AOPEP: variants seen among roughly 807,000 people sequenced by gnomAD.
AOPEP encodes the protein aminopeptidase O.
A neutral mutation model predicts 98.1 loss-of-function variants in AOPEP; 77 were observed. That is an observed-to-expected ratio of 0.78 (90% CI 0.65 to 0.95). The LOEUF (loss-of-function observed/expected upper bound fraction) is 0.95, where lower values mean the gene tolerates loss of function less well. Ranked by LOEUF, AOPEP falls within the 40% of genes least tolerant of loss-of-function variation. AOPEP has a pLI of 0.00. For missense variants in AOPEP, 1,024 were observed against 1,024.7 expected (o/e 1.00, Z 0.01); for synonymous variants, 346 against 365.3 (o/e 0.95, Z 0.60).
intron 13 of AOPEP, among the ~76,000 whole-genome samples, chr9:95,017,209 G>A (rs941616210): frequency 6.6e-6 from 1 of 151,810 alleles, no homozygotes; most frequent in African/African-American, 2.4e-5. Context: ...ACATACATAA[G>A]CTTTAGTTTT....
intron 10 of AOPEP, among the ~76,000 whole-genome samples, chr9:94,968,418 T>G (rs1347498745): frequency 6.6e-6 from 1 of 152,128 alleles, no homozygotes; most frequent in African/African-American, 2.4e-5. Context: ...ATTTTTGTAT[T>G]TTTAGTAGAG....
chr9:95,099,387 CCT>C, the AOPEP span: 2 of 228,230 alleles, frequency 8.8e-6, no homozygotes, highest in Admixed American at 5.7e-5. Flanking sequence ...TGCGGCTGCC[CCT>C]GTGCCCAGGC....
intron 1 of AOPEP, among the ~76,000 whole-genome samples, chr9:94,752,422 G>A (rs902051800): frequency 3.3e-5 from 5 of 151,614 alleles, no homozygotes; most frequent in African/African-American, 4.8e-5. Context: ...GAACACATAC[G>A]TATCAGTAAA....
intron 7 of AOPEP, among the ~76,000 whole-genome samples, chr9:94,951,722 C>T (rs141445702): frequency 3.1e-4 from 47 of 152,332 alleles, no homozygotes; most frequent in African/African-American, 1.1e-3. Flanking sequence ...CCCAGGCTGG[C>T]CAGGAGCAGC....
intron 5 of AOPEP, among the ~76,000 whole-genome samples, chr9:94,882,066 C>A (rs538740340): frequency 3.3e-5 from 5 of 152,196 alleles, no homozygotes; most frequent in Non-Finnish European, 7.3e-5. Context: ...TTTACTATGG[C>A]TCTAAGCTCA....
intron 13 of AOPEP, among the ~76,000 whole-genome samples, chr9:95,040,359 C>T (rs1220890362): frequency 3.9e-5 from 6 of 152,186 alleles, no homozygotes; most frequent in South Asian, 4.1e-4. Flanking sequence ...AGAACTGGAG[C>T]GGAAGAAAGG....
the AOPEP span, among the ~76,000 whole-genome samples, chr9:95,143,972 T>A: frequency 3.3e-5 from 5 of 152,210 alleles, no homozygotes; most frequent in African/African-American, 1.2e-4. Flanking sequence ...AATATATGAC[T>A]GCATTTGGAA....
At chr9:94,745,555 G>A (rs974954668) in intron 1 of AOPEP, among the ~76,000 whole-genome samples, 15 of 152,160 alleles carry the variant, frequency 9.9e-5, no homozygotes, top group African/African-American at 3.4e-4. Context: ...GATTACAGGC[G>A]TGAGCCACCG....
rs1564154242 is a variant in AOPEP, at chr9:94,798,242, TC to T, written c.1119-2514del. Among the ~76,000 whole-genome samples, 28 of 152,306 alleles carry T rather than the reference TC, an allele frequency of 1.8e-4. 1 individual carries two copies. The highest frequency in any genetic ancestry group is 6.7e-4 in the African/African-American group (28 of 41,564). On this transcript the variant is annotated intron_variant, in intron 4 of 16. Transcript: ENST00000375315. Reference sequence around the variant, plus strand: ...TGGGAGCCTTACCCTTCTCACCTGGTCAGAGCTTGATTGCCTTAAAGTCCTG... The same window carrying T: ...TGGGAGCCTTACCCTTCTCACCTGGTAGAGCTTGATTGCCTTAAAGTCCTG...
the AOPEP span, among the ~76,000 whole-genome samples, chr9:95,141,098 C>A: frequency 6.6e-6 from 1 of 151,800 alleles, no homozygotes; most frequent in Non-Finnish European, 1.5e-5. Context: ...TTGCTTGAGT[C>A]CAGGAGTTCA....
At chr9:95,084,653 CTT>C (rs1335061080) in intron 16 of AOPEP, among the ~76,000 whole-genome samples, 1 of 152,226 alleles carries the variant, frequency 6.6e-6, no homozygotes, top group Non-Finnish European at 1.5e-5. Flanking sequence ...CCTCGCCACT[CTT>C]TATGGGGAAT....
At chr9:94,870,337 A>C (rs1465992626) in intron 5 of AOPEP, among the ~76,000 whole-genome samples, 1 of 152,094 alleles carries the variant, frequency 6.6e-6, no homozygotes, top group Non-Finnish European at 1.5e-5. Context: ...CAAAACATGA[A>C]TTTTTTTAAG....
the AOPEP span, among the ~76,000 whole-genome samples, chr9:95,132,281 T>C: frequency 6.6e-6 from 1 of 152,214 alleles, no homozygotes; most frequent in East Asian, 1.9e-4. Flanking sequence ...CAATGTGGAA[T>C]CCAAAGAATA....
chr9:95,013,277 G>A (rs57215728), intron 13 of AOPEP, among the ~76,000 whole-genome samples: 88 of 151,570 alleles, frequency 5.8e-4, no homozygotes, highest in African/African-American at 2.1e-3. Flanking sequence ...TGTTTTAATG[G>A]TTACTTTGAT....
At chr9:94,884,311 A>G (rs2047932210) in intron 5 of AOPEP, among the ~76,000 whole-genome samples, 1 of 152,232 alleles carries the variant, frequency 6.6e-6, no homozygotes, top group South Asian at 2.1e-4. Flanking sequence ...TTTGAAATTC[A>G]AACCCAAGAT....
At chr9:95,132,194 G>C in the AOPEP span, among the ~76,000 whole-genome samples, 2 of 152,130 alleles carry the variant, frequency 1.3e-5, no homozygotes, top group Non-Finnish European at 2.9e-5. Context: ...ATGAGAATCG[G>C]GTACCTTCCG....
At chr9:94,884,941 G>A (rs1056034875) in intron 5 of AOPEP, among the ~76,000 whole-genome samples, 9 of 150,284 alleles carry the variant, frequency 6.0e-5, no homozygotes, top group Admixed American at 2.6e-4. Flanking sequence ...CCCGGGAGGC[G>A]GAGCTTGCAG....
chr9:94,987,005 G>A (rs1186650957), intron 11 of AOPEP, among the ~76,000 whole-genome samples: 1 of 152,208 alleles, frequency 6.6e-6, no homozygotes, highest in Non-Finnish European at 1.5e-5. Flanking sequence ...ATCCAGACCA[G>A]ATGGATGATA....
At chr9:94,775,770 C>T (rs185895814) in intron 3 of AOPEP, among the ~76,000 whole-genome samples, 29 of 152,098 alleles carry the variant, frequency 1.9e-4, no homozygotes, top group Admixed American at 5.9e-4. Flanking sequence ...ATCAGGAGAT[C>T]GAGACCATTC....
Sources: gnomAD v4.1 joint callset for allele counts (sites outside exome capture counted in the v4.1 genomes callset) on GRCh38, gnomAD v4.1.1 for gene constraint, MANE v1.5 for transcripts, NCBI Gene and HGNC (gene_info 2026-07-23, HGNC 2026-07-21) for gene names.